CHRM3: variants seen among roughly 807,000 people sequenced by gnomAD.
CHRM3 encodes muscarinic acetylcholine receptor M3.
In CHRM3, 11 loss-of-function variants were observed where a neutral mutation model predicts 41.8. The observed-to-expected ratio is 0.26, with a 90% CI of 0.17 to 0.44. The LOEUF is 0.44. CHRM3 is among the 20% of genes least tolerant of loss of function. CHRM3 has a pLI of 1.00. For missense variants in CHRM3, 571 were observed against 745.4 expected (o/e 0.77, Z 2.72); for synonymous variants, 297 against 301.4 (o/e 0.99, Z 0.15).
intron 1 of CHRM3, among the ~76,000 whole-genome samples, chr1:239,469,041 C>A (rs1665927038): frequency 6.6e-6 from 1 of 152,064 alleles, no homozygotes; most frequent in Non-Finnish European, 1.5e-5. Flanking sequence ...ATATAAAAGG[C>A]AAGTGAAGAA....
intron 1 of CHRM3, among the ~76,000 whole-genome samples, chr1:239,465,081 G>A (rs1442363698): frequency 6.6e-6 from 1 of 152,116 alleles, no homozygotes; most frequent in African/African-American, 2.4e-5. Context: ...AATTTTCTGT[G>A]TAAATGTCTA....
At position 239,897,365 on chromosome 1, in the gene CHRM3, C is replaced by A. The variant is rs918034922; in HGVS notation, c.-19-10068C>A. The stretch of plus-strand genomic sequence containing the variant: ...TAATCATGAAAGCATAAATATTAAG[C>A]CAAAGGAATTTTCTTCACCAGGTGT... On this transcript the variant is annotated intron_variant, in intron 6 of 6. Coordinates refer to ENST00000676153, the MANE Select transcript of CHRM3 (RefSeq NM_001375978.1). Among the ~76,000 whole-genome samples, 29 of 152,024 alleles carry A rather than the reference C, an allele frequency of 1.9e-4. 1 individual carries two copies. The highest frequency in any genetic ancestry group is 1.4e-3 in the Admixed American group (22 of 15,268).
chr1:239,440,322 G>A (rs565359438), intron 1 of CHRM3, among the ~76,000 whole-genome samples: 1 of 150,810 alleles, frequency 6.6e-6, no homozygotes, highest in South Asian at 2.1e-4. Flanking sequence ...CACACAAAAT[G>A]TGAGAAAAGA....
chr1:239,853,571 GT>G lies in CHRM3; in HGVS notation c.-20+26198del, dbSNP rs528711693. ...TTGCCTTTTTAAGTAGAATTTAACT[GT>G]TTTTGAATTTAAAAGAAGAAAAAAA... On this transcript the variant is annotated intron_variant, in intron 6 of 6. Transcript: ENST00000676153. 2.8e-3 allele frequency among the ~76,000 whole-genome samples: 426 copies of G among 151,740 alleles called. 2 individuals carry two copies. The highest frequency in any genetic ancestry group is 9.3e-3 in the African/African-American group (387 of 41,410).
At chr1:239,524,206 T>C (rs1471703226) in intron 2 of CHRM3, among the ~76,000 whole-genome samples, 2 of 152,168 alleles carry the variant, frequency 1.3e-5, no homozygotes, top group Non-Finnish European at 1.5e-5. Flanking sequence ...GAGTTTCTCA[T>C]GTTATTTGCC....
intron 3 of CHRM3, among the ~76,000 whole-genome samples, chr1:239,624,495 TG>T (rs1486186875): frequency 7.1e-6 from 1 of 140,130 alleles, no homozygotes; most frequent in Non-Finnish European, 1.5e-5. Flanking sequence ...CAGAAGCTCT[TG>T]AGTTTAATTA....
rs1680284515 is a variant in CHRM3, at chr1:239,910,237, CAAA to C, written c.*1015_*1017del. ...TCATCTAAATCTGAATGTTTCAGAA[CAAA>C]ATTTCTGCTATCTAAACTGCTTGAA... is the stretch of plus-strand genomic sequence containing the variant. On this transcript the variant is annotated 3_prime_UTR_variant, in exon 7 of 7. Transcript: ENST00000676153. 6.0e-6 allele frequency: 1 copy of C among 165,634 alleles called. No homozygotes were observed. The highest frequency in any genetic ancestry group is 1.5e-5 in the Non-Finnish European group (1 of 67,934). The allele number at this position is 165,634 out of a possible 1,614,324, so 10.3% of individuals were successfully genotyped here.
At chr1:239,722,510 C>A (rs1431721) in intron 5 of CHRM3, among the ~76,000 whole-genome samples, 68,452 of 151,670 alleles carry the variant, frequency 0.45, 15,778 homozygotes, top group Middle Eastern at 0.51. Flanking sequence ...AATATCATTG[C>A]CTATAGGAGT....
At chr1:239,685,999 C>A (rs1463108457) in intron 5 of CHRM3, among the ~76,000 whole-genome samples, 2 of 150,376 alleles carry the variant, frequency 1.3e-5, no homozygotes, top group East Asian at 3.9e-4. Flanking sequence ...AACAAACAAA[C>A]AAAAAAACTG....
intron 5 of CHRM3, among the ~76,000 whole-genome samples, chr1:239,804,103 A>G (rs981441038): frequency 6.6e-6 from 1 of 152,198 alleles, no homozygotes; most frequent in African/African-American, 2.4e-5. Flanking sequence ...GGGAGCTTTT[A>G]TCTCTCCTTA....
chr1:239,474,599 T>C (rs953167573), intron 1 of CHRM3, among the ~76,000 whole-genome samples: 1 of 152,080 alleles, frequency 6.6e-6, no homozygotes, highest in East Asian at 1.9e-4. Flanking sequence ...TGATGTATTA[T>C]GGAAATATAA....
At position 239,694,196 on chromosome 1, in the gene CHRM3, C is replaced by T. The variant is rs917115228; in HGVS notation, c.-147+15908C>T. 3.3e-5 allele frequency among the ~76,000 whole-genome samples: 5 copies of T among 152,324 alleles called. No homozygotes were observed. In the East Asian group the frequency reaches 5.8e-4, roughly 18 times the overall value. On this transcript the variant is annotated intron_variant, in intron 5 of 6. Coordinates refer to ENST00000676153, the MANE Select transcript of CHRM3 (RefSeq NM_001375978.1). ...AAAATAATTGAGCTCTTCCACCTCT[C>T]GAACTTGTTTTATTCATAAAGAATT...
At chr1:239,761,652 C>T (rs1435020945) in intron 5 of CHRM3, among the ~76,000 whole-genome samples, 1 of 152,170 alleles carries the variant, frequency 6.6e-6, no homozygotes, top group East Asian at 1.9e-4. Flanking sequence ...GAGTGCTCGG[C>T]CAGATGCCTC....
At chr1:239,852,754 T>TCATGGCA (rs542476952) in intron 6 of CHRM3, among the ~76,000 whole-genome samples, 3 of 152,204 alleles carry the variant, frequency 2.0e-5, no homozygotes, top group Non-Finnish European at 4.4e-5. Flanking sequence ...CTGACGTAGT[T>TCATGGCA]CATGGCACAT....
intron 4 of CHRM3, among the ~76,000 whole-genome samples, chr1:239,658,593 T>G (rs1672918883): frequency 6.6e-6 from 1 of 152,226 alleles, no homozygotes; most frequent in South Asian, 2.1e-4. Context: ...ATCTGGTATA[T>G]TGGGACCCAA....
chr1:239,567,000 T>A (rs767607066), intron 3 of CHRM3, among the ~76,000 whole-genome samples: 12 of 152,230 alleles, frequency 7.9e-5, no homozygotes, highest in Non-Finnish European at 1.6e-4. Flanking sequence ...AAGAAAACCA[T>A]CATTGTGTTT....
At chr1:239,606,424 C>CA (rs1255804218) in intron 3 of CHRM3, among the ~76,000 whole-genome samples, 2 of 151,992 alleles carry the variant, frequency 1.3e-5, no homozygotes, top group African/African-American at 4.8e-5. Flanking sequence ...TACAGGCGCC[C>CA]ACCAGCACGT....
At chr1:239,531,138 A>G (rs1670374988) in intron 2 of CHRM3, among the ~76,000 whole-genome samples, 1 of 152,156 alleles carries the variant, frequency 6.6e-6, no homozygotes, top group African/African-American at 2.4e-5. Flanking sequence ...AAGCTGACCC[A>G]AAAATTTATA....
At chr1:239,582,371 T>A (rs895410331) in intron 3 of CHRM3, among the ~76,000 whole-genome samples, 1 of 152,184 alleles carries the variant, frequency 6.6e-6, no homozygotes, top group Non-Finnish European at 1.5e-5. Context: ...TGTGGTACTT[T>A]CCTTTTGAGA....
Sources: gnomAD v4.1 joint callset for allele counts (sites outside exome capture counted in the v4.1 genomes callset) on GRCh38, gnomAD v4.1.1 for gene constraint, MANE v1.5 for transcripts, NCBI Gene and HGNC (gene_info 2026-07-23, HGNC 2026-07-21) for gene names.